Variants in TPST2 observed in about 807,000 individuals in gnomAD.
The protein encoded by TPST2 is tyrosylprotein sulfotransferase 2.
TPST2 carries 16 observed loss-of-function variants against 27.8 expected under a neutral mutation model. That is an observed-to-expected ratio of 0.58 (90% CI 0.39 to 0.88). The LOEUF is 0.88. Ranked by LOEUF, TPST2 falls within the 40% of genes least tolerant of loss-of-function variation. The pLI is 0.00. For synonymous variants in TPST2, 229 were observed against 231.7 expected (o/e 0.99, Z 0.10); for missense variants, 464 against 543.1 (o/e 0.85, Z 1.45).
chr22:26,581,514 G>A (rs1182201031), intron 1 of TPST2, among the ~76,000 whole-genome samples: 1 of 152,190 alleles, frequency 6.6e-6, no homozygotes, highest in Non-Finnish European at 1.5e-5. Flanking sequence ...TGTGCTCTGG[G>A]AAAAAGTTCT....
At position 26,541,342 on chromosome 22, in the gene TPST2, C is replaced by T. The variant is rs1423837774; in HGVS notation, c.289G>A (p.Gly97Ser). The T allele has an allele frequency of 9.7e-6, 15 of 1,549,986 alleles. No individual in the cohort carries two copies. Among genetic ancestry groups the T allele is most frequent in the African/African-American group, 4.1e-5 (3 of 73,502 alleles). ...CGCGGGATGATGCGGGTCTCCTCGC[C>T]GCAGCGCACCTCGGGGTGCGCGTCC... The part of the protein sequence containing the change: ...MLDAHPEVRC[G>S]EETRIIPRVL... Residue 97 changes from glycine to serine, a missense_variant, in exon 3 of 7, where the codon GGC (glycine) becomes AGC (serine). By Grantham distance (56) the Gly-to-Ser change is moderately conservative (BLOSUM62 0). Coordinates refer to ENST00000338754, the MANE Select transcript of TPST2 (RefSeq NM_003595.5). The surrounding 1 kb of genome is among the most constrained non-coding windows in gnomAD (Gnocchi z 5.9).
chr22:26,551,137 T>C (rs1926446863), intron 1 of TPST2, among the ~76,000 whole-genome samples: 2 of 137,380 alleles, frequency 1.5e-5, no homozygotes, highest in Admixed American at 1.4e-4. Flanking sequence ...TTACAAAAAT[T>C]AGCTGGGCTT....
intron 1 of TPST2, among the ~76,000 whole-genome samples, chr22:26,576,141 G>A (rs1602301269): frequency 6.6e-6 from 1 of 152,202 alleles, no homozygotes; most frequent in East Asian, 1.9e-4. Flanking sequence ...CATGAACCTG[G>A]GACTGTGGAG....
intron 1 of TPST2, among the ~76,000 whole-genome samples, chr22:26,570,070 A>AGAAAGAAAGAAAGAAAGAAG (rs1569194001): frequency 2.0e-5 from 3 of 150,868 alleles, no homozygotes; most frequent in African/African-American, 7.3e-5. Flanking sequence ...AAAGAAGGAA[A>AGAAAGAAAGAAAGAAAGAAG]GAAAGAAAGA....
At chr22:26,570,791 C>G (rs1041958552) in intron 1 of TPST2, among the ~76,000 whole-genome samples, 4 of 150,906 alleles carry the variant, frequency 2.7e-5, no homozygotes, top group Admixed American at 6.6e-5. Context: ...TCCTTTCATG[C>G]TGGTGCCAAA....
chr22:26,570,592 CT>C (rs1341598737), intron 1 of TPST2, among the ~76,000 whole-genome samples: 1 of 152,126 alleles, frequency 6.6e-6, no homozygotes, highest in Non-Finnish European at 1.5e-5. Context: ...ACTAGCGCCC[CT>C]GGATGCTCCC....
chr22:26,570,003 G>A (rs867138175), intron 1 of TPST2, among the ~76,000 whole-genome samples: 1 of 34,052 alleles, frequency 2.9e-5, no homozygotes, highest in Non-Finnish European at 5.3e-5. Context: ...AAGAAAGAAA[G>A]AAAGAAAGAA....
chr22:26,585,329 C>T (rs1259932790), intron 1 of TPST2, among the ~76,000 whole-genome samples: 2 of 120,050 alleles, frequency 1.7e-5, no homozygotes, highest in African/African-American at 6.6e-5. Flanking sequence ...CAGCCCCAGA[C>T]GTTCCCTAGG....
chr22:26,572,917 T>C (rs1927686252), intron 1 of TPST2, among the ~76,000 whole-genome samples: 3 of 152,208 alleles, frequency 2.0e-5, no homozygotes, highest in South Asian at 4.1e-4. Flanking sequence ...GAAAAAAGAA[T>C]GCGTTTTGCA....
chr22:26,539,480 T>A (rs1185932488), intron 3 of TPST2, among the ~76,000 whole-genome samples: 1 of 150,956 alleles, frequency 6.6e-6, no homozygotes, highest in Non-Finnish European at 1.5e-5. Context: ...ATGGGGAGTT[T>A]AAGAACACAA....
At chr22:26,556,231 C>T (rs1926784981) in intron 1 of TPST2, among the ~76,000 whole-genome samples, 1 of 152,084 alleles carries the variant, frequency 6.6e-6, no homozygotes, top group Non-Finnish European at 1.5e-5. Flanking sequence ...ACATCTGTGG[C>T]ACCTAAAATG....
intron 1 of TPST2, among the ~76,000 whole-genome samples, chr22:26,548,944 G>A (rs934422091): frequency 4.6e-5 from 7 of 152,046 alleles, no homozygotes; most frequent in African/African-American, 1.5e-4. Flanking sequence ...CTCCAGCCTC[G>A]GTGTCAGAGG....
intron 1 of TPST2, among the ~76,000 whole-genome samples, chr22:26,567,671 A>G (rs1927432947): frequency 6.6e-6 from 1 of 152,212 alleles, no homozygotes; most frequent in Non-Finnish European, 1.5e-5. Flanking sequence ...TACATCTCAA[A>G]CAAATATTTA....
intron 1 of TPST2, among the ~76,000 whole-genome samples, chr22:26,588,294 CA>C (rs1928420404): frequency 6.6e-6 from 1 of 151,890 alleles, no homozygotes; most frequent in South Asian, 2.1e-4. Context: ...TACCAAAGGC[CA>C]CATAGTATAT....
intron 1 of TPST2, among the ~76,000 whole-genome samples, chr22:26,587,592 T>A (rs1236580354): frequency 6.6e-6 from 1 of 152,110 alleles, no homozygotes; most frequent in Non-Finnish European, 1.5e-5. Context: ...CTGCCCACCT[T>A]AGCTCCCAAA....
At chr22:26,584,301 T>C (rs1928248468) in intron 1 of TPST2, among the ~76,000 whole-genome samples, 3 of 151,542 alleles carry the variant, frequency 2.0e-5, no homozygotes, top group African/African-American at 7.3e-5. Flanking sequence ...ACAGAGCGAG[T>C]AGGGAGGAGT....
At position 26,540,820 on chromosome 22, in the gene TPST2, T is replaced by C; in HGVS notation, c.811A>G (p.Ile271Val). The C allele has an allele frequency of 1.2e-6, 2 of 1,606,362 alleles. No individual in the cohort carries two copies. Among genetic ancestry groups the C allele is most frequent in the Non-Finnish European group, 1.7e-6 (2 of 1,174,758 alleles). The change falls in exon 3 of 7, where the codon ATT becomes GTT. Residue 271 changes from isoleucine (I) to valine (V), a missense_variant. Physicochemically the swap from Ile to Val is conservative, Grantham distance 29. Coordinates refer to ENST00000338754, the MANE Select transcript of TPST2 (RefSeq NM_003595.5). The part of the protein sequence containing the change: ...SDAVLHHEDL[I>V]GKPGGVSLSK... Reference sequence around the variant, plus strand: ...AGGGAGACACCACCGGGCTTGCCAATGAGGTCTTCATGGTGGAGGACAGCG... The same window carrying C: ...AGGGAGACACCACCGGGCTTGCCAACGAGGTCTTCATGGTGGAGGACAGCG...
At position 26,551,561 on chromosome 22, in the gene TPST2, A is replaced by AT. The variant is rs1050831296; in HGVS notation, c.-160-6887dup. 9.5e-4 allele frequency among the ~76,000 whole-genome samples: 144 copies of AT among 151,044 alleles called. No homozygotes were observed. The East Asian group carries it at 0.014, about 15-fold the overall frequency. ...TGTTCTCCTCCCTGTCTTGCTTTGC[A>AT]TTTTTTTTTACCTAAAACCATCAAA... On this transcript the variant is annotated intron_variant, in intron 1 of 6. Transcript: ENST00000338754.
At chr22:26,554,479 G>A (rs1416184314) in intron 1 of TPST2, among the ~76,000 whole-genome samples, 3 of 152,204 alleles carry the variant, frequency 2.0e-5, no homozygotes, top group Admixed American at 2.0e-4. Flanking sequence ...CCTCTGTCCA[G>A]AAGCTGTCAG....
Sources: gnomAD v4.1 joint callset for allele counts (sites outside exome capture counted in the v4.1 genomes callset) on GRCh38, gnomAD v4.1.1 for gene constraint, Gnocchi (gnomAD v3.1) non-coding constraint, MANE v1.5 for transcripts, NCBI Gene and HGNC (gene_info 2026-07-23, HGNC 2026-07-21) for gene names.